Variants in SDK1 observed in about 807,000 individuals in gnomAD.
The protein encoded by SDK1 is sidekick cell adhesion molecule 1.
In SDK1, 157 loss-of-function variants were observed where a neutral mutation model predicts 245.5. The ratio of observed to expected loss-of-function variants is 0.64; its 90% CI spans 0.56 to 0.73. The LOEUF is 0.73. SDK1 is among the 30% of genes least tolerant of loss of function. The pLI is 0.00. For missense variants in SDK1, 3,583 were observed against 3,002.3 expected, an observed-to-expected ratio of 1.19 and a Z score of -4.52; for synonymous variants, 1,647 against 1,278.5, an observed-to-expected ratio of 1.29 and a Z score of -6.15.
intron 1 of SDK1, among the ~76,000 whole-genome samples, chr7:3,551,739 G>A (rs10274816): frequency 3.3e-5 from 5 of 151,736 alleles, no homozygotes; most frequent in South Asian, 2.1e-4. Flanking sequence ...ACAGCAGCAC[G>A]ATCACGGCTC....
chr7:3,335,420 C>CT (rs5881977), intron 1 of SDK1, among the ~76,000 whole-genome samples: 2,218 of 145,470 alleles, frequency 0.015, 55 homozygotes, highest in African/African-American at 0.049. Flanking sequence ...TGGTACTTAT[C>CT]TTTTTTTTTT....
intron 1 of SDK1, among the ~76,000 whole-genome samples, chr7:3,390,936 C>G (rs1053684442): frequency 6.6e-6 from 1 of 152,142 alleles, no homozygotes; most frequent in African/African-American, 2.4e-5. Context: ...TGGACTCTAA[C>G]AAATTAATTT....
At chr7:3,786,738 A>G (rs565475026) in intron 4 of SDK1, among the ~76,000 whole-genome samples, 1 of 152,214 alleles carries the variant, frequency 6.6e-6, no homozygotes, top group South Asian at 2.1e-4. Flanking sequence ...AGAGGGAGAA[A>G]AGAGGCGTGA....
At chr7:3,601,889 C>G (rs1781265548) in intron 1 of SDK1, among the ~76,000 whole-genome samples, 1 of 143,006 alleles carries the variant, frequency 7.0e-6, no homozygotes, top group South Asian at 2.3e-4. Context: ...CATGTGTTAT[C>G]ATTGTTCAAT....
intron 16 of SDK1, among the ~76,000 whole-genome samples, chr7:4,015,088 G>A (rs1388480642): frequency 6.6e-6 from 1 of 152,100 alleles, no homozygotes; most frequent in Non-Finnish European, 1.5e-5. Context: ...TATTTAGGGA[G>A]TGCTTTACAC....
intron 27 of SDK1, 129 bp from the exon 28 acceptor site, chr7:4,132,196 T>G: frequency 1.4e-6 from 1 of 689,734 alleles, no homozygotes; most frequent in Admixed American, 2.2e-5. Context: ...CTTTAGGGGG[T>G]TCTAAACCCA....
chr7:3,387,697 T>G (rs1026790325), intron 1 of SDK1, among the ~76,000 whole-genome samples: 4 of 152,246 alleles, frequency 2.6e-5, no homozygotes, highest in African/African-American at 9.6e-5. Context: ...CACTGAACTG[T>G]ACATTTAATG....
At chr7:3,571,535 G>A (rs796096833) in intron 1 of SDK1, among the ~76,000 whole-genome samples, 13 of 152,028 alleles carry the variant, frequency 8.6e-5, no homozygotes, top group African/African-American at 3.1e-4. Context: ...AAACTCCTGA[G>A]CTCAAGTGAT....
intron 4 of SDK1, among the ~76,000 whole-genome samples, chr7:3,773,216 C>T (rs1780453225): frequency 6.6e-6 from 1 of 152,098 alleles, no homozygotes; most frequent in Non-Finnish European, 1.5e-5. Context: ...GTCCCTTTTG[C>T]TCTGTTCACT....
intron 1 of SDK1, among the ~76,000 whole-genome samples, chr7:3,377,971 G>A (rs1238416772): frequency 6.6e-6 from 1 of 152,150 alleles, no homozygotes; most frequent in East Asian, 1.9e-4. Flanking sequence ...AAAGATGGGG[G>A]TTTCACCATG....
chr7:4,254,071 C>T (rs938417039), intron 44 of SDK1, among the ~76,000 whole-genome samples: 1 of 152,250 alleles, frequency 6.6e-6, no homozygotes, highest in Middle Eastern at 3.4e-3. Flanking sequence ...GAACTTTACT[C>T]CTATAGCTGT....
chr7:3,910,198 CTG>C (rs1250801189), intron 5 of SDK1, among the ~76,000 whole-genome samples: 2 of 152,344 alleles, frequency 1.3e-5, no homozygotes, highest in East Asian at 3.9e-4. Context: ...TCTGTTCTCT[CTG>C]TAGTGCACAG....
chr7:4,146,260 A>G (rs1206422564), intron 29 of SDK1, among the ~76,000 whole-genome samples: 1 of 150,216 alleles, frequency 6.7e-6, no homozygotes, highest in Non-Finnish European at 1.5e-5. Flanking sequence ...TTCGTGACAC[A>G]CTTTCAGCCT....
At chr7:3,861,531 G>A (rs1780692123) in intron 5 of SDK1, among the ~76,000 whole-genome samples, 1 of 152,126 alleles carries the variant, frequency 6.6e-6, no homozygotes, top group Non-Finnish European at 1.5e-5. Flanking sequence ...AATGGAATGA[G>A]TAATTTGAAC....
chr7:4,144,626 C>T (rs979630207), intron 28 of SDK1, among the ~76,000 whole-genome samples: 5 of 151,902 alleles, frequency 3.3e-5, no homozygotes, highest in Admixed American at 3.3e-4. Flanking sequence ...TGAGCTCGGT[C>T]GTTCATGAAC....
At chr7:4,118,205 T>C (rs1203894008) in intron 25 of SDK1, among the ~76,000 whole-genome samples, 1 of 152,140 alleles carries the variant, frequency 6.6e-6, no homozygotes, top group Non-Finnish European at 1.5e-5. Context: ...GATTTATATC[T>C]AGAATATATA....
At chr7:3,857,983 G>C (rs1238940500) in intron 5 of SDK1, among the ~76,000 whole-genome samples, 3 of 152,124 alleles carry the variant, frequency 2.0e-5, no homozygotes, top group Non-Finnish European at 4.4e-5. Context: ...TGGATGGAAA[G>C]ACTCAATTAT....
At chr7:4,155,490 C>T (rs1023414902) in intron 30 of SDK1, among the ~76,000 whole-genome samples, 1 of 152,234 alleles carries the variant, frequency 6.6e-6, no homozygotes, top group Non-Finnish European at 1.5e-5. Flanking sequence ...AAGGAGCTTG[C>T]AGTGTGGCTC....
chr7:3,623,523 G>C (rs1782011488), intron 2 of SDK1, among the ~76,000 whole-genome samples: 1 of 152,188 alleles, frequency 6.6e-6, no homozygotes, highest in East Asian at 1.9e-4. Flanking sequence ...TTACAGGTGT[G>C]AGCCGCTGCA....
Sources: gnomAD v4.1 joint callset for allele counts (sites outside exome capture counted in the v4.1 genomes callset) on GRCh38, gnomAD v4.1.1 for gene constraint, MANE v1.5 for transcripts, NCBI Gene and HGNC (gene_info 2026-07-23, HGNC 2026-07-21) for gene names.